The following SRCIN1 variants were observed in gnomAD, a reference collection of about 807,000 sequenced individuals.
SRCIN1 encodes SRC kinase signaling inhibitor 1.
SRCIN1 carries 50 observed loss-of-function variants against 116.2 expected under a neutral mutation model. The observed-to-expected ratio is 0.43, with a 90% CI of 0.34 to 0.54. The LOEUF is 0.54. Among genes scored for constraint, SRCIN1 ranks in the 20% least tolerant of loss-of-function variants. SRCIN1 has a pLI of 0.02. For synonymous variants in SRCIN1, 736 were observed against 750.0 expected (o/e 0.98, Z 0.30); for missense variants, 1,446 against 1,672.0 (o/e 0.86, Z 2.36).
intron 2 of SRCIN1, chr17:38,574,814 A>AG: frequency 2.5e-6 from 1 of 400,252 alleles, no homozygotes; most frequent in Non-Finnish European, 4.4e-6. Context: ...AAAAAAAAAA[A>AG]TCCTCCCCAA....
chr17:38,551,831 G>A lies in SRCIN1; in HGVS notation c.2727+55C>T, dbSNP rs749211680. 1.2e-5 allele frequency: 20 copies of A among 1,608,268 alleles called. No individual in the cohort carries two copies. The Admixed American group carries it at 1.7e-4, about 13-fold the overall frequency. On this transcript the variant is annotated intron_variant, in intron 14 of 18. Coordinates refer to ENST00000617146, the MANE Select transcript of SRCIN1 (RefSeq NM_025248.3). ...ACTCCCCACTCTAGGAAGGATGGTC[G>A]TAAGAATGTGTGAACCTGGCTCATG...
rs1904940114 is a variant in SRCIN1, at chr17:38,544,292, C to T, written c.3271-323G>A. 2.0e-5 allele frequency among the ~76,000 whole-genome samples: 3 copies of T among 152,102 alleles called. No individual in the cohort carries two copies. In the South Asian group the frequency reaches 6.2e-4, roughly 31 times the overall value. ...GGAGCCTCTGCTAAAGTGAGGGTCC[C>T]CAGCAGCAACCCCACTCCCGGCAAG... On this transcript the variant is annotated intron_variant, in intron 17 of 18. Transcript: ENST00000617146. This position sits in a 1 kb window ranked among gnomAD's most constrained non-coding sequence, Gnocchi z 4.5.
At chr17:38,589,539 G>C (rs1233854391) in intron 1 of SRCIN1, among the ~76,000 whole-genome samples, 2 of 152,176 alleles carry the variant, frequency 1.3e-5, no homozygotes, top group South Asian at 4.1e-4. Context: ...TAAAATACAG[G>C]AGTCAGCCCA....
At chr17:38,537,073 G>C (rs1314030266) in intron 18 of SRCIN1, among the ~76,000 whole-genome samples, 1 of 152,142 alleles carries the variant, frequency 6.6e-6, no homozygotes, top group Non-Finnish European at 1.5e-5. Flanking sequence ...AGCTACCTGG[G>C]AGGCTGAGGC....
rs1436031101 is a variant in SRCIN1, at chr17:38,602,290, G to A, written c.22+3394C>T. The A allele has an allele frequency of 3.9e-5, 6 of 152,244 alleles. No individual in the cohort carries two copies. Among genetic ancestry groups the A allele is most frequent in the African/African-American group, 1.4e-4 (6 of 41,438 alleles). The allele number at this position is 152,244 out of a possible 1,614,324, so 9.4% of individuals were successfully genotyped here. ...CCGCTACTCAGAGCTTGGAATGAAA[G>A]AAGGGGAAGCGAGTACAGCCCTCAA... On this transcript the variant is annotated intron_variant, in intron 1 of 18. Coordinates refer to ENST00000617146, the MANE Select transcript of SRCIN1 (RefSeq NM_025248.3). This position sits in a 1 kb window ranked among gnomAD's most constrained non-coding sequence, Gnocchi z 4.2.
chr17:38,578,787 C>T lies in SRCIN1; in HGVS notation c.27G>A (p.Pro9=), dbSNP rs1217888425. MGNAPSQD[P]ERSSPPMLSA... ...ACAGCATGGGGGGGCTGCTCCGCTC[C>T]GGATCTGCGAGAGGTGAGAGGGGCA... The change falls in exon 2 of 19, where the codon CCG becomes CCA. Residue 9 remains proline, a synonymous_variant. Coordinates refer to ENST00000617146, the MANE Select transcript of SRCIN1 (RefSeq NM_025248.3). 2 of 1,492,112 alleles carry T rather than the reference C, an allele frequency of 1.3e-6. No individual in the cohort carries two copies. Among genetic ancestry groups the T allele is most frequent in the Non-Finnish European group, 1.8e-6 (2 of 1,122,774 alleles). The allele number at this position is 1,492,112 out of a possible 1,614,324, so 92.4% of individuals were successfully genotyped here.
At chr17:38,547,217 G>A (rs1038401962) in intron 17 of SRCIN1, among the ~76,000 whole-genome samples, 23 of 152,192 alleles carry the variant, frequency 1.5e-4, no homozygotes, top group African/African-American at 5.6e-4. Context: ...GGCTGTAGAC[G>A]AGCCTACCCC....
intron 18 of SRCIN1, among the ~76,000 whole-genome samples, chr17:38,537,859 T>C (rs1232816719): frequency 6.7e-6 from 1 of 149,554 alleles, no homozygotes; most frequent in Non-Finnish European, 1.5e-5. Flanking sequence ...CCCAGCACTT[T>C]GGGAGGCTGA....
chr17:38,594,094 CT>C (rs890520965), intron 1 of SRCIN1, among the ~76,000 whole-genome samples: 5 of 152,220 alleles, frequency 3.3e-5, no homozygotes, highest in African/African-American at 1.2e-4. Flanking sequence ...CCCTGGCCCC[CT>C]CTGCCTGGTT....
At chr17:38,589,048 C>G (rs941640386) in intron 1 of SRCIN1, among the ~76,000 whole-genome samples, 9 of 152,238 alleles carry the variant, frequency 5.9e-5, no homozygotes, top group African/African-American at 1.7e-4. Context: ...CATGCTTCTA[C>G]GTCAAACCTG....
At chr17:38,542,845 C>T (rs1597882169) in intron 18 of SRCIN1, 2 of 322,498 alleles carry the variant, frequency 6.2e-6, no homozygotes, top group Non-Finnish European at 1.2e-5. Context: ...CATCTCTAAC[C>T]TCTTGCCTCT....
intron 2 of SRCIN1, among the ~76,000 whole-genome samples, chr17:38,571,706 G>T (rs1272640384): frequency 6.6e-6 from 1 of 152,190 alleles, no homozygotes; most frequent in Non-Finnish European, 1.5e-5. Flanking sequence ...TAAAGGAGCT[G>T]GGGCAAAATG....
chr17:38,568,577 G>T lies in SRCIN1; in HGVS notation c.325-346C>A, dbSNP rs1449251500. On this transcript the variant is annotated intron_variant, in intron 2 of 18. Coordinates refer to ENST00000617146, the MANE Select transcript of SRCIN1 (RefSeq NM_025248.3). The surrounding 1 kb of genome is among the most constrained non-coding windows in gnomAD (Gnocchi z 4.5). ...TGGGGTCAGAGAAATGGCAGGCCAGGGAACAGTGCTTGGAAGAGGTGGCAT... is the reference window on the plus strand; with the variant it reads ...TGGGGTCAGAGAAATGGCAGGCCAGTGAACAGTGCTTGGAAGAGGTGGCAT... Among the ~76,000 whole-genome samples, 1 of 152,192 alleles carries T rather than the reference G, an allele frequency of 6.6e-6. No homozygotes were observed. Among genetic ancestry groups the T allele is most frequent in the Non-Finnish European group, 1.5e-5 (1 of 68,036 alleles).
Position 38,562,282 on chromosome 17 carries a change from A to G in SRCIN1, c.881T>C (p.Leu294Pro). The change falls in exon 7 of 19, where the codon CTC becomes CCC. Residue 294 changes from leucine to proline, a missense_variant. Leu to Pro is a moderately conservative substitution (Grantham distance 98). Around this residue, in one of 5 missense-constraint regions of SRCIN1, gnomAD observed 239 missense variants for 317.7 expected, o/e 0.75. Transcript: ENST00000617146. This position sits in a 1 kb window ranked among gnomAD's most constrained non-coding sequence, Gnocchi z 4.2. ...GTGCGGCGCTGGTGACAGGTTGTTG[A>G]GGCGCCGCGTGGGCGAGGACTCCCG... ...ASRESSPTRRLNNLSPAPHLA... is the reference protein window; with the variant it reads ...ASRESSPTRRPNNLSPAPHLA... 1 of 1,478,162 alleles carries G rather than the reference A, an allele frequency of 6.8e-7. No homozygotes were observed. The highest frequency in any genetic ancestry group is 2.5e-5 in the Admixed American group (1 of 40,704). 91.6% of individuals were successfully genotyped at this position (1,478,162 alleles called of 1,614,324 possible). A position where few individuals can be genotyped will look rare whatever the true frequency, so the allele number is the denominator to read the frequency against.
chr17:38,533,968 T>TCCACCACCACCA (rs142815334), intron 18 of SRCIN1, among the ~76,000 whole-genome samples: 2 of 151,742 alleles, frequency 1.3e-5, no homozygotes, highest in Non-Finnish European at 2.9e-5. Context: ...AAAGACCCCG[T>TCCACCACCACCA]CCACCACCAC....
At position 38,543,913 on chromosome 17, in the gene SRCIN1, C is replaced by A; in HGVS notation, c.3327G>T (p.Leu1109=). The change falls in exon 18 of 19, where the codon CTG becomes CTT. Residue 1109 remains leucine, a synonymous_variant. Coordinates refer to ENST00000617146, the MANE Select transcript of SRCIN1 (RefSeq NM_025248.3). The part of the protein sequence containing the change: ...MKVVTPGASR[L]KAAQGQAGSP... Reference sequence around the variant, plus strand: ...TGCCCGCCTGGCCCTGGGCCGCCTTCAGCCGAGAGGCCCCCGGAGTCACCA... The same window carrying A: ...TGCCCGCCTGGCCCTGGGCCGCCTTAAGCCGAGAGGCCCCCGGAGTCACCA... 6.2e-7 allele frequency: 1 copy of A among 1,603,930 alleles called. No individual in the cohort carries two copies. The highest frequency in any genetic ancestry group is 1.7e-5 in the Admixed American group (1 of 59,722).
Position 38,593,853 on chromosome 17 carries a change from C to T in SRCIN1, c.22+11831G>A, listed in dbSNP as rs1366052802. Among the ~76,000 whole-genome samples the T allele has an allele frequency of 4.6e-5, 7 of 152,178 alleles. No individual in the cohort carries two copies. The South Asian group carries it at 8.3e-4, about 18-fold the overall frequency. On this transcript the variant is annotated intron_variant, in intron 1 of 18. Transcript: ENST00000617146. ...GTCCACTACCATGGTAGCCTCCTCC[C>T]GACTCCCACCCCCTACACCCTCACT...
intron 18 of SRCIN1, among the ~76,000 whole-genome samples, chr17:38,538,428 AAAAAAT>A (rs914260322): frequency 6.7e-6 from 1 of 148,352 alleles, no homozygotes; most frequent in African/African-American, 2.5e-5. Flanking sequence ...AAAAAAAAAA[AAAAAAT>A]AATAATAATA....
chr17:38,564,324 C>A lies in SRCIN1; in HGVS notation c.346-11G>T. On this transcript the variant is annotated splice_polypyrimidine_tract_variant and intron_variant, in intron 3 of 18. Coordinates refer to ENST00000617146, the MANE Select transcript of SRCIN1 (RefSeq NM_025248.3). ...GCGTGAGCTGCGGGTCTGCAGGGGC[C>A]GGGCAGGGTGAGAGGAACCAAGGAT... 6.5e-7 allele frequency: 1 copy of A among 1,535,500 alleles called. No homozygotes were observed. Among genetic ancestry groups the A allele is most frequent in the Admixed American group, 1.9e-5 (1 of 51,376 alleles).
Sources: allele counts gnomAD v4.1 joint callset (sites outside exome capture counted in the v4.1 genomes callset), GRCh38; gene constraint gnomAD v4.1.1; regional missense constraint gnomAD v4.1.1; non-coding constraint Gnocchi (gnomAD v3.1); transcripts MANE v1.5; gene names NCBI Gene and HGNC (gene_info 2026-07-23, HGNC 2026-07-21).